RBMS3: variants seen among roughly 807,000 people sequenced by gnomAD.
RBMS3 encodes the protein RNA binding motif single stranded interacting protein 3, also known as RNA-binding motif, single-stranded-interacting protein 3.
In RBMS3, 27 loss-of-function variants were observed where a neutral mutation model predicts 66.8. The ratio of observed to expected loss-of-function variants is 0.40; its 90% CI spans 0.30 to 0.56. The LOEUF is 0.56. Among genes scored for constraint, RBMS3 ranks in the 20% least tolerant of loss-of-function variants. RBMS3 has a pLI of 0.40. For synonymous variants in RBMS3, 188 were observed against 183.0 expected, an observed-to-expected ratio of 1.03 and a Z score of -0.22; for missense variants, 513 against 549.5, an observed-to-expected ratio of 0.93 and a Z score of 0.66.
At chr3:29,990,211 A>C (rs1402388657) in intron 13 of RBMS3, among the ~76,000 whole-genome samples, 5 of 152,150 alleles carry the variant, frequency 3.3e-5, no homozygotes, top group African/African-American at 1.2e-4. Flanking sequence ...TTGAATAGAG[A>C]GACTTTTCAA....
At chr3:29,296,912 A>AT (rs915443924) in intron 1 of RBMS3, among the ~76,000 whole-genome samples, 14 of 149,720 alleles carry the variant, frequency 9.4e-5, no homozygotes, top group Admixed American at 2.7e-4. Flanking sequence ...TCAAATTAGC[A>AT]TTTTTTTTTA....
At chr3:29,627,534 C>T (rs1347689986) in intron 4 of RBMS3, among the ~76,000 whole-genome samples, 1 of 152,118 alleles carries the variant, frequency 6.6e-6, no homozygotes, top group Non-Finnish European at 1.5e-5. Flanking sequence ...AACCACTACT[C>T]TAAAGCATTG....
intron 6 of RBMS3, among the ~76,000 whole-genome samples, chr3:29,796,710 A>ATTTTTTTTTTTTTTTTT (rs1576829680): frequency 2.1e-5 from 2 of 93,358 alleles, no homozygotes; most frequent in African/African-American, 1.0e-4. Flanking sequence ...TTTGAAAGGA[A>ATTTTTTTTTTTTTTTTT]TCTTTTTTTT....
intron 1 of RBMS3, among the ~76,000 whole-genome samples, chr3:29,358,726 C>T (rs2037381448): frequency 6.6e-6 from 1 of 152,080 alleles, no homozygotes; most frequent in African/African-American, 2.4e-5. Context: ...TTTGGTTGAG[C>T]AGTGGTTTGT....
intron 3 of RBMS3, among the ~76,000 whole-genome samples, chr3:29,567,566 G>T (rs1225476403): frequency 6.6e-6 from 1 of 152,050 alleles, no homozygotes. Flanking sequence ...GCAAGGAGGG[G>T]ACACAAAAGT....
At chr3:29,520,793 C>T (rs1356238989) in intron 3 of RBMS3, among the ~76,000 whole-genome samples, 1 of 152,114 alleles carries the variant, frequency 6.6e-6, no homozygotes, top group East Asian at 1.9e-4. Flanking sequence ...GGGTTCCAGT[C>T]ATAATTCTTT....
chr3:29,410,559 A>G (rs1244397848), intron 1 of RBMS3, among the ~76,000 whole-genome samples: 1 of 152,182 alleles, frequency 6.6e-6, no homozygotes, highest in Non-Finnish European at 1.5e-5. Context: ...GGTACCACCA[A>G]CCTTAGGGGA....
chr3:29,536,862 A>G (rs755169692), intron 3 of RBMS3, among the ~76,000 whole-genome samples: 32 of 152,248 alleles, frequency 2.1e-4, no homozygotes, highest in Non-Finnish European at 3.8e-4. Context: ...ATTGTAAAAT[A>G]TGAGAATTAG....
At chr3:29,703,670 C>A (rs868510619) in intron 4 of RBMS3, among the ~76,000 whole-genome samples, 1 of 152,128 alleles carries the variant, frequency 6.6e-6, no homozygotes, top group Non-Finnish European at 1.5e-5. Flanking sequence ...TGCAAACTCA[C>A]CTGATTAGAA....
At chr3:29,827,611 C>T (rs1020006973) in intron 6 of RBMS3, among the ~76,000 whole-genome samples, 1 of 152,154 alleles carries the variant, frequency 6.6e-6, no homozygotes, top group Non-Finnish European at 1.5e-5. Context: ...GACTTACAAT[C>T]AGAGACTGTC....
chr3:29,724,654 T>A (rs967757237), intron 4 of RBMS3, among the ~76,000 whole-genome samples: 1 of 152,200 alleles, frequency 6.6e-6, no homozygotes, highest in South Asian at 2.1e-4. Context: ...GTTTTAGGGC[T>A]TAATGTATCT....
chr3:29,783,498 G>C (rs2149413855), intron 6 of RBMS3, among the ~76,000 whole-genome samples: 1 of 152,218 alleles, frequency 6.6e-6, no homozygotes, highest in East Asian at 1.9e-4. Flanking sequence ...CAAATGCTGA[G>C]AGAATTTGCT....
At chr3:29,627,034 T>C (rs2049085884) in intron 4 of RBMS3, among the ~76,000 whole-genome samples, 1 of 152,206 alleles carries the variant, frequency 6.6e-6, no homozygotes, top group Non-Finnish European at 1.5e-5. Flanking sequence ...TGAGTCTTAG[T>C]TTCCTTATCT....
chr3:29,880,843 G>T (rs1039421735), intron 7 of RBMS3: 3 of 1,529,246 alleles, frequency 2.0e-6, no homozygotes, highest in South Asian at 1.2e-5. Context: ...ATTCATTCCC[G>T]ACCCTTTTGC....
intron 12 of RBMS3, among the ~76,000 whole-genome samples, chr3:29,946,070 G>C (rs1695283383): frequency 6.6e-6 from 1 of 151,726 alleles, no homozygotes; most frequent in African/African-American, 2.4e-5. Flanking sequence ...CATTTTGGGA[G>C]ATTTCACAGT....
chr3:29,517,326 T>A (rs28670079), intron 3 of RBMS3, among the ~76,000 whole-genome samples: 9,282 of 134,382 alleles, frequency 0.069, 413 homozygotes, highest in South Asian at 0.11. Flanking sequence ...TATATTTTTT[T>A]TTTGTTTTTT....
chr3:29,785,298 T>C (rs548946556), intron 6 of RBMS3, among the ~76,000 whole-genome samples: 4 of 152,174 alleles, frequency 2.6e-5, no homozygotes, highest in African/African-American at 9.6e-5. Context: ...TCCAACAGCT[T>C]ATCAAAAAGA....
intron 6 of RBMS3, among the ~76,000 whole-genome samples, chr3:29,782,403 G>A (rs984021063): frequency 2.6e-5 from 4 of 152,172 alleles, no homozygotes; most frequent in East Asian, 1.9e-4. Flanking sequence ...TGGGAGCTCC[G>A]CTGGGTGGCT....
intron 1 of RBMS3, among the ~76,000 whole-genome samples, chr3:29,295,198 T>C (rs2033138655): frequency 6.6e-6 from 1 of 150,442 alleles, no homozygotes; most frequent in African/African-American, 2.4e-5. Flanking sequence ...GAATCTCCTA[T>C]GTTTGTTCTG....
Sources: allele counts gnomAD v4.1 joint callset (sites outside exome capture counted in the v4.1 genomes callset), GRCh38; gene constraint gnomAD v4.1.1; transcripts MANE v1.5; gene names NCBI Gene and HGNC (gene_info 2026-07-23, HGNC 2026-07-21).